The following RTEL1 variants were observed in gnomAD, a reference collection of about 807,000 sequenced individuals.
The protein encoded by RTEL1 is regulator of telomere elongation helicase 1.
In RTEL1, 86 loss-of-function variants were observed where a neutral mutation model predicts 162.2. That is an observed-to-expected ratio of 0.53 (90% CI 0.45 to 0.63). The LOEUF is 0.63. RTEL1 is among the 30% of genes least tolerant of loss of function. RTEL1 has a pLI of 0.00. For missense variants in RTEL1, 1,941 were observed against 1,750.2 expected (o/e 1.11, Z -1.95); for synonymous variants, 958 against 717.9 (o/e 1.33, Z -5.35).
At chr20:63,693,537 ACCACCACCACCACCACCT>A (rs1568720694) in intron 30 of RTEL1, among the ~76,000 whole-genome samples, 12 of 16,418 alleles carry the variant, frequency 7.3e-4, no homozygotes, top group South Asian at 1.8e-3. Context: ...CTCCACCACC[ACCACCACCACCACCACCT>A]CCACCTCCAC....
Position 63,680,686 on chromosome 20 carries a change from G to A in RTEL1, c.1158G>A (p.Thr386=), listed in dbSNP as rs772026878. The A allele has an allele frequency of 6.2e-6, 10 of 1,613,208 alleles. No homozygotes were observed. The East Asian group carries it at 8.9e-5, about 14-fold the overall frequency. ...CAGGTGCTGGAGTGTTCACCAACACGGCCGGACTGCAGAAGCTGGCGGACA... is the reference window on the plus strand; with the variant it reads ...CAGGTGCTGGAGTGTTCACCAACACAGCCGGACTGCAGAAGCTGGCGGACA... ...LAGRAGVFTN[T]AGLQKLADII... Residue 386 remains threonine (T), a synonymous_variant, in exon 14 of 35, where the codon ACG becomes ACA. Transcript: ENST00000360203.
Position 63,666,050 on chromosome 20 carries a change from G to C in RTEL1, c.585G>C (p.Glu195Asp). 1 of 1,614,156 alleles carries C rather than the reference G, an allele frequency of 6.2e-7. No homozygotes were observed. The highest frequency in any genetic ancestry group is 8.5e-7 in the Non-Finnish European group (1 of 1,180,026). Residue 195 changes from glutamate to aspartate, a missense_variant, in exon 7 of 35, where the codon GAG becomes GAC. Physicochemically the swap from Glu to Asp is conservative, Grantham distance 45. Coordinates refer to ENST00000360203, the MANE Select transcript of RTEL1 (RefSeq NM_001283009.2). ...TGGCCAGCCCCATCCTGGACATTGA[G>C]GACTTGGTCAAGAGCGGAAGCAAGC... is the stretch of plus-strand genomic sequence containing the variant. Reference protein sequence around the residue: ...QELASPILDIEDLVKSGSKHR... With the variant: ...QELASPILDIDDLVKSGSKHR...
rs1219370345 is a variant in RTEL1, at chr20:63,690,431, G to A, written c.2403G>A (p.Gln801=). 1.9e-6 allele frequency: 3 copies of A among 1,593,720 alleles called. No homozygotes were observed. The highest frequency in any genetic ancestry group is 2.6e-6 in the Non-Finnish European group (3 of 1,167,906). The part of the protein sequence containing the change: ...SLDLHVPSLK[Q]RSSGSPAAGD... ...ACCTGCATGTCCCCAGCCTGAAGCA[G>A]AGGTCCTCAGGTGCGGACGGGCAGC... Residue 801 remains glutamine (Q), a synonymous_variant, in exon 26 of 35, where the codon CAG becomes CAA. Coordinates refer to ENST00000360203, the MANE Select transcript of RTEL1 (RefSeq NM_001283009.2).
chr20:63,676,644 G>T (rs1277991048), intron 10 of RTEL1, among the ~76,000 whole-genome samples: 2 of 152,150 alleles, frequency 1.3e-5, no homozygotes, highest in Non-Finnish European at 2.9e-5. Flanking sequence ...TGGGACAAAT[G>T]CTGGGGGTGG....
intron 14 of RTEL1, among the ~76,000 whole-genome samples, chr20:63,684,800 G>A (rs907176933): frequency 6.6e-6 from 1 of 152,002 alleles, no homozygotes; most frequent in Non-Finnish European, 1.5e-5. Context: ...CTGCCCTGAC[G>A]TTTTTTCCAT....
intron 22 of RTEL1, 136 bp downstream of exon 22, chr20:63,689,268 G>A: frequency 2.1e-6 from 2 of 944,462 alleles, no homozygotes; most frequent in South Asian, 3.1e-5. Context: ...TGCTGGCCCT[G>A]CTGGGAGCGT....
At chr20:63,662,064 C>T (rs1026110872) in intron 4 of RTEL1, 121 bp downstream of exon 4, 3 of 816,416 alleles carry the variant, frequency 3.7e-6, no homozygotes, top group African/African-American at 3.4e-5. Context: ...AGACGCTCCC[C>T]CGAAGTGTGC....
At chr20:63,676,913 G>GCAA (rs2090365001) in intron 10 of RTEL1, among the ~76,000 whole-genome samples, 2 of 151,974 alleles carry the variant, frequency 1.3e-5, no homozygotes, top group African/African-American at 2.4e-5. Flanking sequence ...CCAGCCTGGC[G>GCAA]ACAGAGCGAG....
chr20:63,678,374 C>G, intron 12 of RTEL1, 28 bp downstream of exon 12: 4 of 1,592,842 alleles, frequency 2.5e-6, no homozygotes, highest in Non-Finnish European at 2.6e-6. Context: ...AGCCCCTTCA[C>G]TGCAGGCCCA....
At chr20:63,676,557 G>C (rs986858257) in intron 10 of RTEL1, among the ~76,000 whole-genome samples, 3 of 152,142 alleles carry the variant, frequency 2.0e-5, no homozygotes, top group Admixed American at 2.0e-4. Context: ...CCATCATCTA[G>C]TCAGTTAGCA....
intron 14 of RTEL1, among the ~76,000 whole-genome samples, chr20:63,683,582 G>A (rs769714827): frequency 1.4e-4 from 21 of 152,180 alleles, no homozygotes; most frequent in African/African-American, 5.1e-4. Flanking sequence ...CGTGGTGTCT[G>A]CCCCCCGGTG....
chr20:63,693,208 G>A lies in RTEL1; in HGVS notation c.2917G>A (p.Gly973Arg), dbSNP rs759564073. The stretch of plus-strand genomic sequence containing the variant: ...TGAGGAGGTCTGTATCCAGCTGACA[G>A]GACGAGGCTGTGGCTATCGGCCTGA... ...QFEEVCIQLT[G>R]RGCGYRPEHS... Residue 973 changes from glycine (G) to arginine (R), a missense_variant, in exon 30 of 35, where the codon GGA becomes AGA. Coordinates refer to ENST00000360203, the MANE Select transcript of RTEL1 (RefSeq NM_001283009.2). 4.3e-6 allele frequency: 7 copies of A among 1,612,032 alleles called. No individual in the cohort carries two copies. Among genetic ancestry groups the A allele is most frequent in the East Asian group, 2.2e-5 (1 of 44,896 alleles).
At chr20:63,672,646 C>T in intron 9 of RTEL1, 25 bp downstream of exon 9, 3 of 1,551,412 alleles carry the variant, frequency 1.9e-6, no homozygotes, top group Non-Finnish European at 2.6e-6. Flanking sequence ...GCCTCCTAAA[C>T]ACCTCCTATT....
At chr20:63,673,027 G>A (rs1279968516) in intron 9 of RTEL1, among the ~76,000 whole-genome samples, 1 of 152,208 alleles carries the variant, frequency 6.6e-6, no homozygotes, top group Non-Finnish European at 1.5e-5. Context: ...AACCTTGGAG[G>A]CAGAGGCTGC....
chr20:63,682,674 A>G (rs2090503046), intron 14 of RTEL1: 1 of 985,956 alleles, frequency 1.0e-6, no homozygotes, highest in Non-Finnish European at 1.2e-6. Context: ...GGCGGTGCCC[A>G]TAGGGCTGGT....
chr20:63,693,144 C>A lies in RTEL1; in HGVS notation c.2853C>A (p.Gly951=), dbSNP rs763959402. The A allele has an allele frequency of 1.2e-6, 2 of 1,612,230 alleles. No homozygotes were observed. Among genetic ancestry groups the A allele is most frequent in the Non-Finnish European group, 1.7e-6 (2 of 1,179,590 alleles). The change falls in exon 30 of 35, where the codon GGC becomes GGA. Residue 951 remains glycine, a splice_region_variant and synonymous_variant. Coordinates refer to ENST00000360203, the MANE Select transcript of RTEL1 (RefSeq NM_001283009.2). The part of the protein sequence containing the change: ...EDPKKHNLLQ[G]FYQFVRPHHK... The stretch of plus-strand genomic sequence containing the variant: ...GGACAGACGCCCCTTCCTCTACAGG[C>A]TTCTACCAGTTTGTGCGGCCCCACC...
intron 14 of RTEL1, chr20:63,681,455 A>G (rs2090475945): frequency 4.1e-6 from 4 of 985,022 alleles, no homozygotes; most frequent in East Asian, 1.1e-4. Context: ...TGTGCTGCCC[A>G]CGCTGTACCT....
In RTEL1 at chr20:63,690,275, C is replaced by G; in HGVS notation, c.2266-19C>G. The G allele has an allele frequency of 6.2e-7, 1 of 1,601,056 alleles. No homozygotes were observed. The highest frequency in any genetic ancestry group is 8.5e-7 in the Non-Finnish European group (1 of 1,170,962). On this transcript the variant is annotated intron_variant, in intron 25 of 34. Transcript: ENST00000360203. ...CAGAGGAGCCAGAAATGGGTCCACC[C>G]ACCCCCATGGTTCTGCAGATGCCAG...
intron 30 of RTEL1, among the ~76,000 whole-genome samples, chr20:63,693,484 C>CACCAGCAG: frequency 1.2e-5 from 1 of 86,914 alleles, no homozygotes; most frequent in Non-Finnish European, 2.3e-5. Context: ...TCCACCTCCA[C>CACCAGCAG]CACCACCTCC....
Sources: gnomAD v4.1 joint callset for allele counts (sites outside exome capture counted in the v4.1 genomes callset) on GRCh38, gnomAD v4.1.1 for gene constraint, MANE v1.5 for transcripts, NCBI Gene and HGNC (gene_info 2026-07-23, HGNC 2026-07-21) for gene names.